Variants in ZNF608 observed in about 807,000 individuals in gnomAD.
ZNF608 encodes the protein zinc finger protein 608, also known as renal carcinoma antigen NY-REN-36.
Under a neutral mutation model 109.0 loss-of-function variants are expected in ZNF608, and 12 were observed. The ratio of observed to expected loss-of-function variants is 0.11; its 90% CI spans 0.07 to 0.18. The LOEUF is 0.18. ZNF608 is among the 10% of genes least tolerant of loss of function. The pLI, the probability that ZNF608 is intolerant of heterozygous loss-of-function variation, is 1.00. For synonymous variants in ZNF608, 732 were observed against 717.4 expected (o/e 1.02, Z -0.33); for missense variants, 1,707 against 1,879.3 (o/e 0.91, Z 1.70).
chr5:124,684,112 C>T (rs1752307974), intron 3 of ZNF608, among the ~76,000 whole-genome samples: 2 of 152,214 alleles, frequency 1.3e-5, no homozygotes, highest in African/African-American at 4.8e-5. Flanking sequence ...ACTCATTCAA[C>T]AGGACTTTGC....
At chr5:124,737,633 G>A (rs1362470922) in intron 2 of ZNF608, among the ~76,000 whole-genome samples, 1 of 152,098 alleles carries the variant, frequency 6.6e-6, no homozygotes, top group Non-Finnish European at 1.5e-5. Flanking sequence ...TTTGCTTTGT[G>A]ATCATTTCAG....
chr5:124,647,427 G>T lies in ZNF608; in HGVS notation c.2957C>A (p.Ser986Ter). The change falls in exon 5 of 10, where the codon TCA (serine) becomes TAA (stop). Residue 986 changes from serine (S) to a stop codon, truncating the protein, a stop_gained. Coordinates refer to ENST00000513986, the MANE Select transcript of ZNF608 (RefSeq NM_020747.3). LOFTEE classifies it high-confidence loss of function. Reference protein sequence around the residue: ...VKGHSSTTAQSSQLKESHSPY... With the variant: ...VKGHSSTTAQ ...AGAATGGGACTCTTTCAGTTGAGAT[G>T]ATTGTGCTGTAGTTGAAGAATGCCC... 1 of 1,614,222 alleles carries T rather than the reference G, an allele frequency of 6.2e-7. No homozygotes were observed. Among genetic ancestry groups the T allele is most frequent in the Non-Finnish European group, 8.5e-7 (1 of 1,180,036 alleles).
At chr5:124,681,599 T>C (rs953972226) in intron 3 of ZNF608, among the ~76,000 whole-genome samples, 5 of 152,050 alleles carry the variant, frequency 3.3e-5, no homozygotes, top group African/African-American at 7.2e-5. Flanking sequence ...GAAAAAAAAT[T>C]GGCCTAGCAT....
intron 3 of ZNF608, among the ~76,000 whole-genome samples, chr5:124,672,136 T>C (rs1024391748): frequency 2.6e-5 from 4 of 152,222 alleles, no homozygotes; most frequent in Non-Finnish European, 5.9e-5. Flanking sequence ...TAAATAAACT[T>C]GATTTAACTC....
intron 2 of ZNF608, among the ~76,000 whole-genome samples, chr5:124,721,229 C>T (rs1753888186): frequency 2.0e-5 from 3 of 152,082 alleles, no homozygotes; most frequent in Admixed American, 6.5e-5. Context: ...AGATAATTCC[C>T]ATCAATGTTT....
chr5:124,669,320 TGGCTGAAAGGTGGGG>T (rs775969252), intron 3 of ZNF608, among the ~76,000 whole-genome samples: 5 of 152,206 alleles, frequency 3.3e-5, no homozygotes, highest in Non-Finnish European at 7.3e-5. Flanking sequence ...ATAGCCACTC[TGGCTGAAAGGTGGGG>T]GGCTGCATCC....
At chr5:124,678,722 C>T (rs545364145) in intron 3 of ZNF608, among the ~76,000 whole-genome samples, 1 of 152,278 alleles carries the variant, frequency 6.6e-6, no homozygotes, top group East Asian at 1.9e-4. Flanking sequence ...TGCCCAGGGC[C>T]CATGAGCCAA....
chr5:124,646,190 T>C (rs1029460385), intron 5 of ZNF608, among the ~76,000 whole-genome samples: 1 of 151,908 alleles, frequency 6.6e-6, no homozygotes, highest in Non-Finnish European at 1.5e-5. Context: ...TGAAACCCCA[T>C]CTCTACTAAA....
rs756460319 is a variant in ZNF608, at chr5:124,648,339, G to A, written c.2045C>T (p.Ala682Val). Residue 682 changes from alanine (A) to valine (V), a missense_variant, in exon 5 of 10, where the codon GCG becomes GTG. Coordinates refer to ENST00000513986, the MANE Select transcript of ZNF608 (RefSeq NM_020747.3). Reference sequence around the variant, plus strand: ...GTCTGCTGCCGAGCAACTGTCTAACGCAGCCGTCATGTTGGAGATTACTGG... The same window carrying A: ...GTCTGCTGCCGAGCAACTGTCTAACACAGCCGTCATGTTGGAGATTACTGG... ...NLPVISNMTA[A>V]LDSCSAADGS... The A allele has an allele frequency of 6.2e-6, 10 of 1,614,042 alleles. No individual in the cohort carries two copies. In the East Asian group the frequency reaches 6.7e-5, roughly 11 times the overall value.
intron 3 of ZNF608, among the ~76,000 whole-genome samples, chr5:124,690,016 C>A (rs1752550507): frequency 6.6e-6 from 1 of 151,402 alleles, no homozygotes; most frequent in South Asian, 2.1e-4. Context: ...CATGATACAT[C>A]CAGACTCAAT....
chr5:124,645,800 C>T (rs1019654189), intron 5 of ZNF608, among the ~76,000 whole-genome samples: 3 of 152,014 alleles, frequency 2.0e-5, no homozygotes, highest in African/African-American at 7.3e-5. Context: ...CAGCACTGAG[C>T]TCTGAGTTTT....
chr5:124,666,302 T>C (rs575315947), intron 3 of ZNF608: 2 of 152,390 alleles, frequency 1.3e-5, no homozygotes, highest in African/African-American at 4.8e-5. Context: ...TGTTTCCTGT[T>C]GTGATCCTTG....
At chr5:124,715,341 C>A (rs1287044351) in intron 2 of ZNF608, among the ~76,000 whole-genome samples, 1 of 152,212 alleles carries the variant, frequency 6.6e-6, no homozygotes, top group African/African-American at 2.4e-5. Context: ...CTCTTGGCAT[C>A]ACGTTTCCAG....
rs370715147 is a variant in ZNF608, at chr5:124,637,852, G to A, written c.*48C>T. The A allele has an allele frequency of 8.1e-6, 13 of 1,595,578 alleles. No individual in the cohort carries two copies. The highest frequency in any genetic ancestry group is 3.4e-5 in the South Asian group (3 of 88,920). ...CATGGAACTGATGTCTGTATAAAGCGCTTCCCCATGTGATCCAGTCACATG... is the reference window on the plus strand; with the variant it reads ...CATGGAACTGATGTCTGTATAAAGCACTTCCCCATGTGATCCAGTCACATG... On this transcript the variant is annotated 3_prime_UTR_variant, in exon 10 of 10. Coordinates refer to ENST00000513986, the MANE Select transcript of ZNF608 (RefSeq NM_020747.3).
In ZNF608 at chr5:124,719,045, C is replaced by A. The variant is rs138579530; in HGVS notation, c.907-17776G>T. ...AAGAGAAACTACTAGTACGGACCTG[C>A]ACATTAATGAGTTTCTTGAAATTAA... On this transcript the variant is annotated intron_variant, in intron 2 of 9. Coordinates refer to ENST00000513986, the MANE Select transcript of ZNF608 (RefSeq NM_020747.3). Among the ~76,000 whole-genome samples the A allele has an allele frequency of 4.3e-3, 649 of 152,326 alleles. 7 individuals are homozygous for A. Among genetic ancestry groups the A allele is most frequent in the African/African-American group, 0.014 (593 of 41,574 alleles).
chr5:124,640,236 A>G (rs1202097016), intron 8 of ZNF608, among the ~76,000 whole-genome samples: 2 of 152,270 alleles, frequency 1.3e-5, no homozygotes, highest in African/African-American at 2.4e-5. Context: ...GCAATAGACT[A>G]AATTATGTCT....
intron 3 of ZNF608, among the ~76,000 whole-genome samples, chr5:124,681,852 G>C (rs750385804): frequency 2.6e-4 from 39 of 152,298 alleles, no homozygotes; most frequent in Admixed American, 1.4e-3. Context: ...TCAAATACAA[G>C]ATCTGAAATC....
intron 3 of ZNF608, chr5:124,666,489 A>G (rs888569868): frequency 2.0e-5 from 3 of 152,220 alleles, no homozygotes; most frequent in Admixed American, 1.3e-4. Flanking sequence ...AAATAATACA[A>G]ATAGAGTAGT....
intron 5 of ZNF608, among the ~76,000 whole-genome samples, chr5:124,645,312 T>C (rs1417046810): frequency 6.6e-6 from 1 of 152,202 alleles, no homozygotes; most frequent in Non-Finnish European, 1.5e-5. Flanking sequence ...GCCATCTATC[T>C]ATAAACCCCC....
Sources: gnomAD v4.1 joint callset for allele counts (sites outside exome capture counted in the v4.1 genomes callset) on GRCh38, gnomAD v4.1.1 for gene constraint, MANE v1.5 for transcripts, NCBI Gene and HGNC (gene_info 2026-07-23, HGNC 2026-07-21) for gene names.